Variants in MECOM observed in about 807,000 individuals in gnomAD.
MECOM encodes histone-lysine N-methyltransferase MECOM.
Under a neutral mutation model 116.3 loss-of-function variants are expected in MECOM, and 13 were observed. The observed-to-expected ratio is 0.11, with a 90% CI of 0.07 to 0.18. MECOM has a LOEUF of 0.18. MECOM is among the 10% of genes least tolerant of loss of function. The pLI is 1.00. For missense variants in MECOM, 1,299 were observed against 1,509.0 expected (o/e 0.86, Z 2.31); for synonymous variants, 528 against 535.2 (o/e 0.99, Z 0.19).
intron 2 of MECOM, among the ~76,000 whole-genome samples, chr3:169,341,212 T>C (rs1208873332): frequency 6.6e-6 from 1 of 151,806 alleles, no homozygotes; most frequent in Non-Finnish European, 1.5e-5. Flanking sequence ...TGAGAAAAAT[T>C]ATGCTAAAAA....
At chr3:169,628,426 T>C (rs974824071) in intron 1 of MECOM, among the ~76,000 whole-genome samples, 2 of 152,256 alleles carry the variant, frequency 1.3e-5, no homozygotes, top group Admixed American at 6.5e-5. Context: ...TTAATTTTTA[T>C]AGTGTTAGAG....
chr3:169,343,774 A>G (rs1436031609), intron 2 of MECOM, among the ~76,000 whole-genome samples: 1 of 152,172 alleles, frequency 6.6e-6, no homozygotes, highest in Admixed American at 6.6e-5. Flanking sequence ...TAATTTCAAT[A>G]AATCTTTTTA....
chr3:169,296,397 A>G (rs1050362309), intron 2 of MECOM, among the ~76,000 whole-genome samples: 1 of 152,194 alleles, frequency 6.6e-6, no homozygotes, highest in Non-Finnish European at 1.5e-5. Flanking sequence ...CGCAGAAGGA[A>G]GGTTTAGTTA....
chr3:169,533,988 T>C (rs867148956), intron 1 of MECOM, among the ~76,000 whole-genome samples: 6 of 152,316 alleles, frequency 3.9e-5, no homozygotes, highest in South Asian at 2.1e-4. Context: ...CTGAGAAATG[T>C]TTGATTTTTG....
At chr3:169,654,751 G>A (rs139005251) in intron 1 of MECOM, among the ~76,000 whole-genome samples, 1 of 151,798 alleles carries the variant, frequency 6.6e-6, no homozygotes, top group Non-Finnish European at 1.5e-5. Context: ...AGTTGTAAAA[G>A]ACTATTTTTC....
intron 2 of MECOM, among the ~76,000 whole-genome samples, chr3:169,185,310 G>C (rs145380394): frequency 3.9e-5 from 6 of 152,224 alleles, no homozygotes; most frequent in African/African-American, 1.4e-4. Context: ...AAAGGAGACT[G>C]AGCAGAATAG....
chr3:169,155,502 T>C (rs1005739788), intron 2 of MECOM, among the ~76,000 whole-genome samples: 2 of 152,166 alleles, frequency 1.3e-5, no homozygotes, highest in Non-Finnish European at 2.9e-5. Flanking sequence ...GCCTGAGTTT[T>C]TGTGGCATTT....
At chr3:169,090,276 C>T in intron 14 of MECOM, 40 bp from the exon 15 acceptor site, 1 of 1,546,080 alleles carries the variant, frequency 6.5e-7, no homozygotes, top group Non-Finnish European at 8.7e-7. Flanking sequence ...TTGTTGGTTT[C>T]ATTTTTAAAA....
chr3:169,200,146 C>T (rs1314119116), intron 2 of MECOM, among the ~76,000 whole-genome samples: 5 of 152,048 alleles, frequency 3.3e-5, no homozygotes, highest in South Asian at 2.1e-4. Context: ...TAACTAATGT[C>T]GTATTTAACC....
chr3:169,387,339 C>T (rs959386789), intron 1 of MECOM, among the ~76,000 whole-genome samples: 1 of 152,184 alleles, frequency 6.6e-6, no homozygotes, highest in Admixed American at 6.5e-5. Flanking sequence ...CGTAATTCTT[C>T]GGTTCTTATT....
intron 1 of MECOM, among the ~76,000 whole-genome samples, chr3:169,632,545 C>G (rs982846446): frequency 6.6e-6 from 1 of 152,076 alleles, no homozygotes; most frequent in Non-Finnish European, 1.5e-5. Flanking sequence ...ACTCACAGTC[C>G]AAAGAGGTGA....
At chr3:169,458,467 C>T (rs924702010) in intron 1 of MECOM, among the ~76,000 whole-genome samples, 2 of 152,208 alleles carry the variant, frequency 1.3e-5, no homozygotes, top group African/African-American at 4.8e-5. Context: ...ACTTGAGCAA[C>T]AACTCTTCTG....
chr3:169,209,038 A>T (rs1370711902), intron 2 of MECOM, among the ~76,000 whole-genome samples: 2 of 152,082 alleles, frequency 1.3e-5, no homozygotes, highest in African/African-American at 4.8e-5. Flanking sequence ...CAGAAATAAC[A>T]CTACACATCT....
At chr3:169,576,599 C>G (rs1341358618) in intron 1 of MECOM, among the ~76,000 whole-genome samples, 1 of 152,126 alleles carries the variant, frequency 6.6e-6, no homozygotes, top group Non-Finnish European at 1.5e-5. Flanking sequence ...CTTAATTTAT[C>G]TAGTTAAACT....
intron 1 of MECOM, among the ~76,000 whole-genome samples, chr3:169,589,036 T>C (rs1482812707): frequency 6.6e-6 from 1 of 152,132 alleles, no homozygotes; most frequent in Non-Finnish European, 1.5e-5. Context: ...ATCTATATTT[T>C]TAAGTCTACC....
chr3:169,587,329 G>A (rs896774060), intron 1 of MECOM, among the ~76,000 whole-genome samples: 1 of 151,988 alleles, frequency 6.6e-6, no homozygotes, highest in South Asian at 2.1e-4. Flanking sequence ...AAAACAATGA[G>A]TTTTAAGAGA....
chr3:169,321,552 AG>A (rs1337051296), intron 2 of MECOM, among the ~76,000 whole-genome samples: 1 of 151,774 alleles, frequency 6.6e-6, no homozygotes, highest in Non-Finnish European at 1.5e-5. Context: ...AAAAAAAAAA[AG>A]AGTTTAAATC....
At chr3:169,653,810 C>A (rs1016427249) in intron 1 of MECOM, among the ~76,000 whole-genome samples, 9 of 152,130 alleles carry the variant, frequency 5.9e-5, no homozygotes, top group African/African-American at 1.9e-4. Flanking sequence ...AACTGAGGCA[C>A]AAAAAGGTTA....
chr3:169,108,645 A>G (rs1194721101), intron 9 of MECOM, among the ~76,000 whole-genome samples: 1 of 152,184 alleles, frequency 6.6e-6, no homozygotes, highest in Non-Finnish European at 1.5e-5. Context: ...TTGCTTATAC[A>G]TGTTTTGGTA....
Sources: gnomAD v4.1 joint callset for allele counts (sites outside exome capture counted in the v4.1 genomes callset) on GRCh38, gnomAD v4.1.1 for gene constraint, MANE v1.5 for transcripts, NCBI Gene and HGNC (gene_info 2026-07-23, HGNC 2026-07-21) for gene names.